Variants in WDR72 observed in about 807,000 individuals in gnomAD.
The protein encoded by WDR72 is WD repeat-containing protein 72.
A neutral mutation model predicts 124.2 loss-of-function variants in WDR72; 120 were observed. That is an observed-to-expected ratio of 0.97 (90% CI 0.83 to 1.12). WDR72 has a LOEUF of 1.12. Ranked by LOEUF, WDR72 falls within the 50% of genes most tolerant of loss-of-function variation. The pLI, the probability that WDR72 is intolerant of heterozygous loss-of-function variation, is 0.00. For missense variants in WDR72, 1,387 were observed against 1,278.8 expected (o/e 1.08, Z -1.29); for synonymous variants, 452 against 441.7 (o/e 1.02, Z -0.29).
At chr15:53,534,427 A>C (rs1892643102) in intron 18 of WDR72, among the ~76,000 whole-genome samples, 1 of 152,154 alleles carries the variant, frequency 6.6e-6, no homozygotes, top group Non-Finnish European at 1.5e-5. Flanking sequence ...CAGAAGGGGA[A>C]ATTCACTGAT....
chr15:53,580,729 C>T (rs1365429088), intron 18 of WDR72, among the ~76,000 whole-genome samples: 2 of 151,650 alleles, frequency 1.3e-5, no homozygotes, highest in African/African-American at 4.8e-5. Flanking sequence ...AAAAAAAGTA[C>T]AACTAAAAGT....
chr15:53,626,286 G>A (rs574794535), intron 14 of WDR72, among the ~76,000 whole-genome samples: 1 of 152,296 alleles, frequency 6.6e-6, no homozygotes, highest in South Asian at 2.1e-4. Flanking sequence ...GAAGAGAACC[G>A]TGGGACCCAG....
At position 53,713,411 on chromosome 15, in the gene WDR72, G is replaced by GTATTTTATTTTATTT. The variant is rs11272007; in HGVS notation, c.592-535_592-521dup. Among the ~76,000 whole-genome samples, 518 of 88,668 alleles carry GTATTTTATTTTATTT rather than the reference G, an allele frequency of 5.8e-3. 8 individuals are homozygous for GTATTTTATTTTATTT. The highest frequency in any genetic ancestry group is 0.019 in the African/African-American group (487 of 26,200). 58.2% of individuals were successfully genotyped at this position (88,668 alleles called of 152,430 possible). On this transcript the variant is annotated intron_variant, in intron 6 of 19. Coordinates refer to ENST00000360509, the MANE Select transcript of WDR72 (RefSeq NM_182758.4). ...GTATTTTATTTTATTTTATTTTGTT[G>GTATTTTATTTTATTT]TATTTTATTTTATTTTATTTTATTT...
chr15:53,547,466 A>G (rs1002346104), intron 18 of WDR72, among the ~76,000 whole-genome samples: 3 of 152,128 alleles, frequency 2.0e-5, no homozygotes, highest in Admixed American at 1.3e-4. Context: ...TCTATAAACA[A>G]TGAGTGCTAC....
Position 53,649,382 on chromosome 15 carries a change from G to A in WDR72, c.1962+16190C>T, listed in dbSNP as rs1211196811. On this transcript the variant is annotated intron_variant, in intron 14 of 19. Transcript: ENST00000360509. The stretch of plus-strand genomic sequence containing the variant: ...AAATTAATGGGAATTTTAATTGTAT[G>A]CAAAATATTTTTTCTGGGCAAAAAT... Among the ~76,000 whole-genome samples, 3 of 152,116 alleles carry A rather than the reference G, an allele frequency of 2.0e-5. No homozygotes were observed. The South Asian group carries it at 6.2e-4, about 32-fold the overall frequency.
intron 1 of WDR72, among the ~76,000 whole-genome samples, chr15:53,750,591 C>T (rs777512631): frequency 5.9e-5 from 9 of 152,138 alleles, no homozygotes; most frequent in South Asian, 2.1e-4. Flanking sequence ...GCTATAGCTG[C>T]CATAGGTAGA....
rs535620312 is a variant in WDR72, at chr15:53,616,173, C to G, written c.2033G>C (p.Gly678Ala). Residue 678 changes from glycine (G) to alanine (A), a missense_variant, in exon 15 of 20, where the codon GGC becomes GCC. Coordinates refer to ENST00000360509, the MANE Select transcript of WDR72 (RefSeq NM_182758.4). ...LPVKTKWSNV[G>A]FHILLFDLEN... ...CAGATCAAATAGAAGAATATGAAAG[C>G]CAACGTTACTCCATTTTGTCTTCAC... 1.2e-6 allele frequency: 2 copies of G among 1,606,640 alleles called. No individual in the cohort carries two copies. Among genetic ancestry groups the G allele is most frequent in the African/African-American group, 2.7e-5 (2 of 74,520 alleles).
At chr15:53,573,814 G>T (rs1222737800) in intron 18 of WDR72, among the ~76,000 whole-genome samples, 2 of 152,190 alleles carry the variant, frequency 1.3e-5, no homozygotes, top group Admixed American at 6.5e-5. Context: ...CCAAAGTGCT[G>T]GGATTACAGG....
At chr15:53,598,586 G>C (rs1045040244) in intron 17 of WDR72, among the ~76,000 whole-genome samples, 9 of 152,214 alleles carry the variant, frequency 5.9e-5, no homozygotes, top group Non-Finnish European at 1.3e-4. Context: ...GAAATCCTGG[G>C]GCAGAAAAGC....
chr15:53,582,041 T>C (rs564138338), intron 18 of WDR72, among the ~76,000 whole-genome samples: 1 of 152,106 alleles, frequency 6.6e-6, no homozygotes, highest in Non-Finnish European at 1.5e-5. Flanking sequence ...AATTGTAATA[T>C]ATAAAATGAC....
intron 14 of WDR72, among the ~76,000 whole-genome samples, chr15:53,624,542 C>T (rs1246790074): frequency 3.3e-5 from 5 of 152,230 alleles, no homozygotes. Flanking sequence ...GTGGTCCACA[C>T]AGCCACAATA....
chr15:53,704,252 A>C (rs2017270974), intron 11 of WDR72, among the ~76,000 whole-genome samples: 1 of 152,242 alleles, frequency 6.6e-6, no homozygotes, highest in Non-Finnish European at 1.5e-5. Flanking sequence ...ATTTAAAGTC[A>C]GCTCATAAAG....
At chr15:53,679,042 A>G (rs1466609056) in intron 13 of WDR72, among the ~76,000 whole-genome samples, 1 of 152,246 alleles carries the variant, frequency 6.6e-6, no homozygotes, top group Non-Finnish European at 1.5e-5. Flanking sequence ...TAAGTGAAAT[A>G]AGCCAGTCAC....
At chr15:53,660,685 A>G (rs1344845646) in intron 14 of WDR72, among the ~76,000 whole-genome samples, 1 of 152,196 alleles carries the variant, frequency 6.6e-6, no homozygotes, top group Non-Finnish European at 1.5e-5. Flanking sequence ...ATAAAGATGC[A>G]CATATAAGTG....
At chr15:53,563,344 A>G (rs989732920) in intron 18 of WDR72, among the ~76,000 whole-genome samples, 2 of 151,882 alleles carry the variant, frequency 1.3e-5, no homozygotes, top group Non-Finnish European at 2.9e-5. Context: ...GTAAAATTTA[A>G]AAGAAACTAA....
In WDR72 at chr15:53,616,619, G is replaced by A. The variant is rs529910025; in HGVS notation, c.1963-376C>T. 5.3e-5 allele frequency among the ~76,000 whole-genome samples: 8 copies of A among 151,926 alleles called. No individual in the cohort carries two copies. The East Asian group carries it at 9.7e-4, about 18-fold the overall frequency. On this transcript the variant is annotated intron_variant, in intron 14 of 19. Transcript: ENST00000360509. ...AACTGAGGAGAACAAATGTAAGAAC[G>A]CATGCAAAAATTTATTAAGTATTTT...
At chr15:53,604,671 G>T (rs1370741782) in intron 17 of WDR72, among the ~76,000 whole-genome samples, 1 of 152,122 alleles carries the variant, frequency 6.6e-6, no homozygotes, top group Non-Finnish European at 1.5e-5. Context: ...CAAAGGAAAT[G>T]AACAGACACT....
chr15:53,619,340 A>G (rs1253838102), intron 14 of WDR72, among the ~76,000 whole-genome samples: 2 of 150,664 alleles, frequency 1.3e-5, no homozygotes, highest in Non-Finnish European at 3.0e-5. Context: ...GTGACAGTGC[A>G]CTCTTTAAGA....
chr15:53,760,957 C>T (rs575159742), upstream of WDR72, among the ~76,000 whole-genome samples: 3 of 152,126 alleles, frequency 2.0e-5, no homozygotes, highest in African/African-American at 7.2e-5. Context: ...AAACCTGTCT[C>T]TACTGAAAAT....
Sources: gnomAD v4.1 joint callset for allele counts (sites outside exome capture counted in the v4.1 genomes callset) on GRCh38, gnomAD v4.1.1 for gene constraint, MANE v1.5 for transcripts, NCBI Gene and HGNC (gene_info 2026-07-23, HGNC 2026-07-21) for gene names.